PALS1: variants seen among roughly 807,000 people sequenced by gnomAD.
PALS1 encodes the protein protein PALS1.
PALS1 carries 31 observed loss-of-function variants against 78.9 expected under a neutral mutation model. That is an observed-to-expected ratio of 0.39 (90% CI 0.30 to 0.53). The LOEUF (loss-of-function observed/expected upper bound fraction) is 0.53, where lower values mean the gene tolerates loss of function less well. PALS1 is among the 20% of genes least tolerant of loss of function. PALS1 has a pLI of 0.67. For synonymous variants in PALS1, 276 were observed against 270.9 expected, an observed-to-expected ratio of 1.02 and a Z score of -0.18; for missense variants, 704 against 826.5, an observed-to-expected ratio of 0.85 and a Z score of 1.82.
Position 67,289,768 on chromosome 14 carries a change from C to CTTTTTTTTT in PALS1, c.368-2743_368-2742insTTTTTTTTT, listed in dbSNP as rs1491090879. 2.1e-5 allele frequency among the ~76,000 whole-genome samples: 2 copies of CTTTTTTTTT among 95,478 alleles called. 1 individual carries two copies. Among genetic ancestry groups the CTTTTTTTTT allele is most frequent in the African/African-American group, 8.3e-5 (2 of 24,042 alleles). The allele number at this position is 95,478 out of a possible 152,430, so 62.6% of individuals were successfully genotyped here. ...ACATTGGGAAGATTTTTTTCCATGT[C>CTTTTTTTTT]CTTTTTTTTTTTTTTTTTTTTTGAG... On this transcript the variant is annotated intron_variant, in intron 3 of 14. Coordinates refer to ENST00000261681, the MANE Select transcript of PALS1 (RefSeq NM_022474.4).
At chr14:67,246,091 T>C (rs2083983778) in intron 1 of PALS1, among the ~76,000 whole-genome samples, 1 of 151,936 alleles carries the variant, frequency 6.6e-6, no homozygotes, top group South Asian at 2.1e-4. Flanking sequence ...GACTCTTCAA[T>C]TGATCTATTT....
chr14:67,263,753 T>A (rs1344683226), intron 1 of PALS1, among the ~76,000 whole-genome samples: 1 of 152,200 alleles, frequency 6.6e-6, no homozygotes, highest in Admixed American at 6.5e-5. Context: ...AGTGAGAAGA[T>A]ATATAGGAAA....
intron 11 of PALS1, 137 bp downstream of exon 11, chr14:67,317,616 T>A: frequency 1.9e-6 from 1 of 538,684 alleles, no homozygotes; most frequent in Non-Finnish European, 3.3e-6. Context: ...ATCCTGTGAG[T>A]AAGGCAGTGT....
intron 14 of PALS1, among the ~76,000 whole-genome samples, chr14:67,325,982 T>TC (rs1438448762): frequency 6.9e-6 from 1 of 144,062 alleles, no homozygotes; most frequent in African/African-American, 2.6e-5. Context: ...CTCTTTTCTT[T>TC]TTTTTTTTTT....
chr14:67,249,981 T>C (rs1046328638), intron 1 of PALS1, among the ~76,000 whole-genome samples: 4 of 152,246 alleles, frequency 2.6e-5, no homozygotes, highest in African/African-American at 4.8e-5. Context: ...GAAATGTAAG[T>C]AACGCTTCGG....
chr14:67,292,565 C>A lies in PALS1; in HGVS notation c.422C>A (p.Ser141Tyr), dbSNP rs61744208. 57,127 of 1,612,732 alleles carry A rather than the reference C, an allele frequency of 0.035. 1,152 individuals carry two copies. Among genetic ancestry groups the A allele is most frequent in the Admixed American group, 0.042 (2,492 of 60,004 alleles). The change falls in exon 4 of 15, where the codon TCT becomes TAT. Residue 141 changes from serine to tyrosine, a missense_variant. Physicochemically the swap from Ser to Tyr is moderately radical, Grantham distance 144 (BLOSUM62 -2). Transcript: ENST00000261681. ...LKHIQHTLVD[S>Y]QSQEDISLLL... Reference sequence around the variant, plus strand: ...CATATCCAACATACTTTGGTAGATTCTCAGAGCCAGGAGGATATTTCACTG... The same window carrying A: ...CATATCCAACATACTTTGGTAGATTATCAGAGCCAGGAGGATATTTCACTG...
chr14:67,242,014 C>T (rs912057138), intron 1 of PALS1: 1 of 152,252 alleles, frequency 6.6e-6, no homozygotes, highest in Non-Finnish European at 1.5e-5. Context: ...CGTTCTTAAA[C>T]ACGCAAACAG....
chr14:67,283,716 C>T (rs1161730721), intron 3 of PALS1, among the ~76,000 whole-genome samples: 5 of 151,958 alleles, frequency 3.3e-5, no homozygotes, highest in Non-Finnish European at 5.9e-5. Context: ...AAAATTAGAC[C>T]TAAAGATGTA....
intron 14 of PALS1, among the ~76,000 whole-genome samples, chr14:67,330,029 T>TA (rs2085422942): frequency 1.3e-5 from 2 of 151,048 alleles, no homozygotes; most frequent in East Asian, 1.9e-4. Context: ...TATGTATTGT[T>TA]AAAGTCACAG....
intron 4 of PALS1, among the ~76,000 whole-genome samples, chr14:67,297,311 A>AT (rs1362908559): frequency 6.6e-6 from 1 of 152,218 alleles, no homozygotes; most frequent in Non-Finnish European, 1.5e-5. Context: ...GAAAATATGA[A>AT]TTAATTTATA....
rs2085528114 is a variant in PALS1, at chr14:67,336,052, C to T, written c.*3096C>T. The T allele has an allele frequency of 6.6e-6, 1 of 152,224 alleles. No homozygotes were observed. Among genetic ancestry groups the T allele is most frequent in the African/African-American group, 2.4e-5 (1 of 41,450 alleles). 9.4% of individuals were successfully genotyped at this position (152,224 alleles called of 1,614,324 possible). On this transcript the variant is annotated 3_prime_UTR_variant, in exon 15 of 15. Transcript: ENST00000261681. ...AACAACTAAGTGTATTAAAGATGGACAACGCAAGGCTGTGAACTTGAAAGT... is the reference window on the plus strand; with the variant it reads ...AACAACTAAGTGTATTAAAGATGGATAACGCAAGGCTGTGAACTTGAAAGT...
intron 14 of PALS1, among the ~76,000 whole-genome samples, chr14:67,331,863 G>C (rs1289723439): frequency 6.6e-6 from 1 of 152,118 alleles, no homozygotes; most frequent in African/African-American, 2.4e-5. Context: ...TTCAGTTACA[G>C]TGGTGAAGTA....
chr14:67,328,219 TC>T (rs2085390467), intron 14 of PALS1, among the ~76,000 whole-genome samples: 2 of 152,236 alleles, frequency 1.3e-5, no homozygotes, highest in Admixed American at 1.3e-4. Context: ...GATTTGCATT[TC>T]TCTGATGGCC....
chr14:67,289,962 C>T (rs1442185208), intron 3 of PALS1, among the ~76,000 whole-genome samples: 1 of 151,804 alleles, frequency 6.6e-6, no homozygotes, highest in Non-Finnish European at 1.5e-5. Flanking sequence ...TTAGTAGAGA[C>T]GGGGTTTCAC....
chr14:67,293,642 A>T (rs1473360371), intron 4 of PALS1, among the ~76,000 whole-genome samples: 3 of 152,192 alleles, frequency 2.0e-5, no homozygotes, highest in Non-Finnish European at 4.4e-5. Context: ...CATTACCTTG[A>T]TCTTATACTA....
chr14:67,321,337 G>A, intron 13 of PALS1, 78 bp downstream of exon 13: 6 of 1,442,872 alleles, frequency 4.2e-6, no homozygotes, highest in Non-Finnish European at 5.8e-6. Context: ...GCTATATTTT[G>A]GTCCAAGAAC....
intron 14 of PALS1, among the ~76,000 whole-genome samples, chr14:67,327,580 G>C (rs960215033): frequency 7.2e-5 from 11 of 151,954 alleles, no homozygotes; most frequent in Non-Finnish European, 4.4e-5. Flanking sequence ...ATGTTGGTGT[G>C]CTGCACCCGT....
chr14:67,323,615 A>AATATATATAT (rs150511527), intron 13 of PALS1, 87 bp from the exon 14 acceptor site: 25 of 260,318 alleles, frequency 9.6e-5, no homozygotes, highest in Middle Eastern at 1.4e-3. Flanking sequence ...CCCTTAATCT[A>AATATATATAT]ATATATATAT....
intron 2 of PALS1, chr14:67,270,478 A>C (rs1307165711): frequency 6.6e-6 from 1 of 151,988 alleles, no homozygotes; most frequent in Non-Finnish European, 1.5e-5. Flanking sequence ...GAAGAAAAGA[A>C]TTAGGGCCAG....
Sources: allele counts gnomAD v4.1 joint callset (sites outside exome capture counted in the v4.1 genomes callset), GRCh38; gene constraint gnomAD v4.1.1; transcripts MANE v1.5; gene names NCBI Gene and HGNC (gene_info 2026-07-23, HGNC 2026-07-21).